Variants in GRM3 observed in about 807,000 individuals in gnomAD.
GRM3 encodes glutamate metabotropic receptor 3, also known as metabotropic glutamate receptor 3.
Under a neutral mutation model 70.5 loss-of-function variants are expected in GRM3, and 26 were observed. The observed-to-expected ratio is 0.37, with a 90% CI of 0.27 to 0.51. The LOEUF is 0.51. Ranked by LOEUF, GRM3 falls within the 20% of genes least tolerant of loss-of-function variation. The probability of loss-of-function intolerance (pLI) is 0.93; values close to 1 mark genes in which losing one functional copy is unlikely to be tolerated. For synonymous variants in GRM3, 443 were observed against 434.9 expected (o/e 1.02, Z -0.23); for missense variants, 859 against 1,123.8 (o/e 0.76, Z 3.37).
chr7:86,813,181 A>G (rs1242250075), intron 3 of GRM3, among the ~76,000 whole-genome samples: 1 of 151,704 alleles, frequency 6.6e-6, no homozygotes, highest in African/African-American at 2.4e-5. Flanking sequence ...TAAATGCGCA[A>G]AATTCTCCCT....
At chr7:86,697,540 G>A (rs564649761) in intron 1 of GRM3, among the ~76,000 whole-genome samples, 1 of 151,916 alleles carries the variant, frequency 6.6e-6, no homozygotes, top group African/African-American at 2.4e-5. Context: ...TGAAATTTTT[G>A]CTTTTTTTCC....
intron 4 of GRM3, among the ~76,000 whole-genome samples, chr7:86,845,243 A>G (rs1489365106): frequency 1.3e-5 from 2 of 152,190 alleles, no homozygotes; most frequent in Non-Finnish European, 2.9e-5. Flanking sequence ...CTGCATAAGC[A>G]GTACTCAAAA....
At chr7:86,666,205 T>C (rs1247080172) in intron 1 of GRM3, among the ~76,000 whole-genome samples, 3 of 152,054 alleles carry the variant, frequency 2.0e-5, no homozygotes, top group African/African-American at 7.2e-5. Flanking sequence ...ACCCATTTTA[T>C]AGAGGGAAAC....
chr7:86,657,515 G>A (rs894090253), intron 1 of GRM3, among the ~76,000 whole-genome samples: 4 of 152,176 alleles, frequency 2.6e-5, no homozygotes. Context: ...GGAGCATCAT[G>A]TAATCTAGCT....
At chr7:86,666,685 T>C (rs774259428) in intron 1 of GRM3, among the ~76,000 whole-genome samples, 2 of 152,072 alleles carry the variant, frequency 1.3e-5, no homozygotes, top group Admixed American at 6.6e-5. Flanking sequence ...ATTTTTTTAA[T>C]GAGAAAATTG....
At chr7:86,814,268 A>G (rs550208743) in intron 3 of GRM3, among the ~76,000 whole-genome samples, 1 of 151,854 alleles carries the variant, frequency 6.6e-6, no homozygotes, top group African/African-American at 2.4e-5. Context: ...TTATTGGGGT[A>G]CCGGTGGTAT....
intron 1 of GRM3, among the ~76,000 whole-genome samples, chr7:86,705,945 C>T (rs960579946): frequency 1.1e-5 from 1 of 90,526 alleles, no homozygotes; most frequent in African/African-American, 6.0e-5. Flanking sequence ...AGCAAGTAAA[C>T]ACAAAAGTGT....
intron 1 of GRM3, among the ~76,000 whole-genome samples, chr7:86,692,253 T>C (rs1794712727): frequency 1.3e-5 from 2 of 152,232 alleles, no homozygotes; most frequent in African/African-American, 4.8e-5. Context: ...TCTAATCCTC[T>C]GTTTTCAAAC....
intron 3 of GRM3, among the ~76,000 whole-genome samples, chr7:86,790,999 T>C (rs1797400760): frequency 6.6e-6 from 1 of 152,210 alleles, no homozygotes; most frequent in African/African-American, 2.4e-5. Context: ...TGTTTGATCC[T>C]CACACTAGAA....
chr7:86,684,058 T>G (rs1462845715), intron 1 of GRM3, among the ~76,000 whole-genome samples: 1 of 152,184 alleles, frequency 6.6e-6, no homozygotes, highest in Non-Finnish European at 1.5e-5. Flanking sequence ...GGGGATTTTT[T>G]TTTTATCCCT....
At chr7:86,803,031 T>G (rs1797716173) in intron 3 of GRM3, among the ~76,000 whole-genome samples, 1 of 152,190 alleles carries the variant, frequency 6.6e-6, no homozygotes, top group African/African-American at 2.4e-5. Flanking sequence ...CTTAGGGTAC[T>G]TAACAAAATC....
chr7:86,808,646 AG>A (rs1316239045), intron 3 of GRM3, among the ~76,000 whole-genome samples: 1 of 152,012 alleles, frequency 6.6e-6, no homozygotes, highest in East Asian at 1.9e-4. Flanking sequence ...ATTGGGGTGG[AG>A]GGGGTAGAAG....
At chr7:86,777,567 C>T (rs550653154) in intron 2 of GRM3, among the ~76,000 whole-genome samples, 19 of 152,264 alleles carry the variant, frequency 1.2e-4, no homozygotes, top group Middle Eastern at 3.4e-3. Flanking sequence ...ATTTGCTATA[C>T]TTCATTATAC....
intron 2 of GRM3, among the ~76,000 whole-genome samples, chr7:86,773,243 C>T (rs1796792520): frequency 6.6e-6 from 1 of 151,910 alleles, no homozygotes; most frequent in Non-Finnish European, 1.5e-5. Context: ...TAGTACCTCT[C>T]TCATTGGGTT....
chr7:86,668,057 C>T (rs1175450879), intron 1 of GRM3, among the ~76,000 whole-genome samples: 1 of 152,122 alleles, frequency 6.6e-6, no homozygotes, highest in Non-Finnish European at 1.5e-5. Context: ...AACTTTTGTC[C>T]AGTTTATGGA....
chr7:86,671,793 C>T (rs1444578798), intron 1 of GRM3, among the ~76,000 whole-genome samples: 1 of 152,168 alleles, frequency 6.6e-6, no homozygotes, highest in Non-Finnish European at 1.5e-5. Flanking sequence ...ATTCTTTACT[C>T]AATCTAAATT....
intron 1 of GRM3, among the ~76,000 whole-genome samples, chr7:86,672,688 T>C (rs1410086222): frequency 6.6e-6 from 1 of 152,104 alleles, no homozygotes; most frequent in African/African-American, 2.4e-5. Flanking sequence ...CCCCCAGTGG[T>C]AGATGCAACT....
Position 86,787,015 on chromosome 7 carries a change from A to G in GRM3, c.1223A>G (p.Gln408Arg), listed in dbSNP as rs1797268477. The part of the protein sequence containing the change: ...YAMAHALHKM[Q>R]RTLCPNTTKL... Reference sequence around the variant, plus strand: ...ATGGCCCACGCTTTGCACAAAATGCAGCGCACCCTCTGTCCCAACACTACC... The same window carrying G: ...ATGGCCCACGCTTTGCACAAAATGCGGCGCACCCTCTGTCCCAACACTACC... Residue 408 changes from glutamine (Q) to arginine (R), a missense_variant, in exon 3 of 6, where the codon CAG (glutamine) becomes CGG (arginine). By Grantham distance (43) the Gln-to-Arg change is conservative (BLOSUM62 1). Coordinates refer to ENST00000361669, the MANE Select transcript of GRM3 (RefSeq NM_000840.3). The G allele has an allele frequency of 6.2e-7, 1 of 1,613,820 alleles. No homozygotes were observed. The highest frequency in any genetic ancestry group is 8.5e-7 in the Non-Finnish European group (1 of 1,179,876).
At chr7:86,842,247 C>T (rs1455489567) in intron 4 of GRM3, among the ~76,000 whole-genome samples, 2 of 152,176 alleles carry the variant, frequency 1.3e-5, no homozygotes, top group Non-Finnish European at 2.9e-5. Flanking sequence ...TCTTATCCCA[C>T]CAATATGTCT....
Sources: gnomAD v4.1 joint callset for allele counts (sites outside exome capture counted in the v4.1 genomes callset) on GRCh38, gnomAD v4.1.1 for gene constraint, MANE v1.5 for transcripts, NCBI Gene and HGNC (gene_info 2026-07-23, HGNC 2026-07-21) for gene names.